Variants in PTPRD observed in about 807,000 individuals in gnomAD.
The protein encoded by PTPRD is receptor-type tyrosine-protein phosphatase delta.
In PTPRD, 34 loss-of-function variants were observed where a neutral mutation model predicts 214.5. The ratio of observed to expected loss-of-function variants is 0.16; its 90% CI spans 0.12 to 0.21. The LOEUF (loss-of-function observed/expected upper bound fraction) is 0.21, where lower values mean the gene tolerates loss of function less well. Among genes scored for constraint, PTPRD ranks in the 10% least tolerant of loss-of-function variants. PTPRD has a pLI of 1.00. For synonymous variants in PTPRD, 1,128 were observed against 845.7 expected, an observed-to-expected ratio of 1.33 and a Z score of -5.79; for missense variants, 2,545 against 2,398.7, an observed-to-expected ratio of 1.06 and a Z score of -1.27.
rs1294071137 is a variant in PTPRD at position 9,128,138 on chromosome 9, A to C, written c.-143+55166T>G. 1.3e-5 allele frequency among the ~76,000 whole-genome samples: 2 copies of C among 152,214 alleles called. 1 individual carries two copies. Among genetic ancestry groups the C allele is most frequent in the South Asian group, 4.1e-4 (2 of 4,836 alleles). ...TGGTTTTACTACATGAACAACATAG[A>C]TGCTGGATCATCAGCTTAAAGCATG... On this transcript the variant is annotated intron_variant, in intron 10 of 45. Coordinates refer to ENST00000381196, the MANE Select transcript of PTPRD (RefSeq NM_002839.4).
At chr9:9,421,546 T>A (rs978237551) in intron 8 of PTPRD, among the ~76,000 whole-genome samples, 1 of 152,088 alleles carries the variant, frequency 6.6e-6, no homozygotes, top group Non-Finnish European at 1.5e-5. Flanking sequence ...TTATTCTTTG[T>A]TCTGGGCAGA....
At chr9:9,117,644 T>C (rs1591901203) in intron 10 of PTPRD, among the ~76,000 whole-genome samples, 1 of 152,160 alleles carries the variant, frequency 6.6e-6, no homozygotes, top group South Asian at 2.1e-4. Flanking sequence ...GAAAGTTTAC[T>C]AAATAAAGAA....
At chr9:9,646,315 GT>G (rs1213830538) in intron 7 of PTPRD, among the ~76,000 whole-genome samples, 126 of 142,886 alleles carry the variant, frequency 8.8e-4, no homozygotes, top group African/African-American at 3.2e-3. Context: ...GTGTGTGTGT[GT>G]GGGTGTGTGT....
intron 3 of PTPRD, among the ~76,000 whole-genome samples, chr9:10,331,948 T>C (rs2096758371): frequency 6.6e-6 from 1 of 151,864 alleles, no homozygotes. Flanking sequence ...GGTAGGGGAT[T>C]AAGCAAGGAG....
intron 5 of PTPRD, among the ~76,000 whole-genome samples, chr9:9,847,018 C>T (rs976540707): frequency 6.6e-6 from 1 of 151,972 alleles, no homozygotes; most frequent in Non-Finnish European, 1.5e-5. Context: ...AATAAAGCAT[C>T]CAGACATTCA....
At chr9:8,905,676 T>C (rs758016480) in intron 11 of PTPRD, among the ~76,000 whole-genome samples, 1 of 150,532 alleles carries the variant, frequency 6.6e-6, no homozygotes, top group Admixed American at 6.6e-5. Flanking sequence ...GAGACCGAGG[T>C]TGCAGTGAGC....
At chr9:10,198,913 G>T (rs294824) in intron 3 of PTPRD, among the ~76,000 whole-genome samples, 1 of 151,852 alleles carries the variant, frequency 6.6e-6, no homozygotes, top group Non-Finnish European at 1.5e-5. Flanking sequence ...AGGCTTAGGG[G>T]TCACTTTTTT....
intron 7 of PTPRD, among the ~76,000 whole-genome samples, chr9:9,580,872 T>G (rs982059434): frequency 6.6e-6 from 1 of 151,872 alleles, no homozygotes; most frequent in Admixed American, 6.6e-5. Context: ...TTAATGGGAT[T>G]TGTTTTGTTG....
intron 3 of PTPRD, among the ~76,000 whole-genome samples, chr9:10,185,285 G>A (rs1438848741): frequency 2.0e-5 from 3 of 152,104 alleles, no homozygotes; most frequent in Non-Finnish European, 4.4e-5. Context: ...TTGAGGCCAA[G>A]AGAAGAAAAT....
At chr9:8,896,056 C>CT (rs1219457526) in intron 11 of PTPRD, among the ~76,000 whole-genome samples, 1 of 152,098 alleles carries the variant, frequency 6.6e-6, no homozygotes, top group African/African-American at 2.4e-5. Context: ...CATTTCCTAT[C>CT]TTTTTTCAGT....
intron 6 of PTPRD, among the ~76,000 whole-genome samples, chr9:9,755,702 A>C (rs1219725004): frequency 6.6e-6 from 1 of 152,066 alleles, no homozygotes; most frequent in Non-Finnish European, 1.5e-5. Context: ...AATTGTATAA[A>C]AGAATACAAA....
At chr9:9,828,816 T>A (rs1269183104) in intron 5 of PTPRD, among the ~76,000 whole-genome samples, 1 of 151,864 alleles carries the variant, frequency 6.6e-6, no homozygotes, top group Admixed American at 6.6e-5. Flanking sequence ...TTATTGGTAA[T>A]TAAAAGCATT....
chr9:8,889,848 T>C (rs974456978), intron 11 of PTPRD, among the ~76,000 whole-genome samples: 7 of 152,216 alleles, frequency 4.6e-5, no homozygotes, highest in Non-Finnish European at 7.3e-5. Context: ...ATTTTCTTTA[T>C]CCACTTGTTG....
chr9:9,788,327 G>A (rs2098941125), intron 5 of PTPRD, among the ~76,000 whole-genome samples: 1 of 151,096 alleles, frequency 6.6e-6, no homozygotes, highest in African/African-American at 2.4e-5. Flanking sequence ...CGAGGTGGGT[G>A]GATCACGAAG....
intron 11 of PTPRD, among the ~76,000 whole-genome samples, chr9:8,801,878 G>A (rs1368572559): frequency 6.6e-6 from 1 of 152,116 alleles, no homozygotes; most frequent in African/African-American, 2.4e-5. Flanking sequence ...TTTGCATACT[G>A]TACAAACTGA....
chr9:8,625,372 G>T (rs1297511707), intron 14 of PTPRD, among the ~76,000 whole-genome samples: 3 of 151,862 alleles, frequency 2.0e-5, no homozygotes, highest in South Asian at 2.1e-4. Flanking sequence ...TGACAGATCT[G>T]CAGTTACCCA....
At chr9:8,318,974 A>G (rs117017584) in intron 45 of PTPRD, among the ~76,000 whole-genome samples, 2,990 of 152,230 alleles carry the variant, frequency 0.02, 59 homozygotes, top group Non-Finnish European at 0.026. Flanking sequence ...GTAATGCAAA[A>G]TAAATGGTGT....
chr9:9,153,825 G>T (rs1022588406), intron 10 of PTPRD, among the ~76,000 whole-genome samples: 1 of 152,082 alleles, frequency 6.6e-6, no homozygotes, highest in African/African-American at 2.4e-5. Context: ...ACATAAATTT[G>T]TCTCCTCAGA....
chr9:8,710,696 G>A (rs1447254883), intron 12 of PTPRD, among the ~76,000 whole-genome samples: 1 of 152,034 alleles, frequency 6.6e-6, no homozygotes, highest in Non-Finnish European at 1.5e-5. Context: ...TTATAAATGA[G>A]TTTTTATGTC....
Sources: allele counts gnomAD v4.1 joint callset (sites outside exome capture counted in the v4.1 genomes callset), GRCh38; gene constraint gnomAD v4.1.1; transcripts MANE v1.5; gene names NCBI Gene and HGNC (gene_info 2026-07-23, HGNC 2026-07-21).